Variants in HIF1A observed in about 807,000 individuals in gnomAD.
The protein encoded by HIF1A is hypoxia-inducible factor 1-alpha.
Under a neutral mutation model 92.7 loss-of-function variants are expected in HIF1A, and 24 were observed. The ratio of observed to expected loss-of-function variants is 0.26; its 90% CI spans 0.19 to 0.36. The LOEUF (loss-of-function observed/expected upper bound fraction) is 0.36. Ranked by LOEUF, HIF1A falls within the 10% of genes least tolerant of loss-of-function variation. The pLI is 1.00. For synonymous variants in HIF1A, 319 were observed against 338.7 expected, an observed-to-expected ratio of 0.94 and a Z score of 0.64; for missense variants, 799 against 998.5, an observed-to-expected ratio of 0.80 and a Z score of 2.69.
intron 8 of HIF1A, among the ~76,000 whole-genome samples, chr14:61,736,243 C>T (rs1479519565): frequency 6.6e-6 from 1 of 152,160 alleles, no homozygotes; most frequent in East Asian, 1.9e-4. Flanking sequence ...TCCCAAAGTC[C>T]TGGGATTACA....
rs752725953 is a variant in HIF1A, at chr14:61,726,655, A to G, written c.458-51A>G. 2 of 1,166,730 alleles carry G rather than the reference A, an allele frequency of 1.7e-6. 1 individual carries two copies. The highest frequency in any genetic ancestry group is 2.9e-5 in the South Asian group (2 of 69,520). The allele number at this position is 1,166,730 out of a possible 1,614,324, so 72.3% of individuals were successfully genotyped here. On this transcript the variant is annotated intron_variant, in intron 4 of 14. Coordinates refer to ENST00000337138, the MANE Select transcript of HIF1A (RefSeq NM_001530.4). ...TGGGCACTTTGTTACTTTTATTGTA[A>G]CAAATTTGTATATTTAGTTGCTTTA...
chr14:61,714,453 GT>G (rs2044341081), intron 1 of HIF1A, among the ~76,000 whole-genome samples: 1 of 152,058 alleles, frequency 6.6e-6, no homozygotes, highest in African/African-American at 2.4e-5. Flanking sequence ...TTTTCCATTT[GT>G]TTTCCTGTGG....
chr14:61,695,847 C>A lies in HIF1A; in HGVS notation c.35+8C>A, dbSNP rs781385199. The A allele has an allele frequency of 6.3e-7, 1 of 1,577,054 alleles. No homozygotes were observed. The highest frequency in any genetic ancestry group is 2.3e-5 in the East Asian group (1 of 43,270). On this transcript the variant is annotated splice_region_variant and intron_variant, in intron 1 of 14. Transcript: ENST00000337138. ...CGCGAACGACAAGAAAAAGTAAGCC[C>A]ATTCCCTCGGCCCGCCGCCTTCTCC...
At chr14:61,742,647 A>T (rs1050635375) in intron 12 of HIF1A, among the ~76,000 whole-genome samples, 3 of 152,050 alleles carry the variant, frequency 2.0e-5, no homozygotes, top group African/African-American at 7.2e-5. Flanking sequence ...GCACTTTGGG[A>T]GGCTGAAGCG....
chr14:61,710,443 T>A (rs1415672599), intron 1 of HIF1A, among the ~76,000 whole-genome samples: 4 of 152,246 alleles, frequency 2.6e-5, no homozygotes, highest in African/African-American at 9.6e-5. Context: ...AAATATTTTT[T>A]GAATACATCA....
At chr14:61,707,149 A>G (rs374825861) in intron 1 of HIF1A, among the ~76,000 whole-genome samples, 2 of 152,238 alleles carry the variant, frequency 1.3e-5, no homozygotes, top group East Asian at 3.8e-4. Flanking sequence ...CACGTTAAGT[A>G]TCTTCTTAGA....
intron 1 of HIF1A, among the ~76,000 whole-genome samples, chr14:61,707,250 C>T (rs924014391): frequency 1.3e-5 from 2 of 152,088 alleles, no homozygotes; most frequent in African/African-American, 2.4e-5. Context: ...CATTCTCAGG[C>T]GCCATTCAGA....
intron 1 of HIF1A, 97 bp downstream of exon 1, chr14:61,695,936 G>A: frequency 2.7e-6 from 3 of 1,099,486 alleles, no homozygotes; most frequent in Admixed American, 2.3e-5. Context: ...TAATGGGATT[G>A]GGGGGGGCAG....
intron 12 of HIF1A, among the ~76,000 whole-genome samples, chr14:61,743,999 TTAAG>T (rs2044745393): frequency 6.6e-6 from 1 of 152,204 alleles, no homozygotes; most frequent in South Asian, 2.1e-4. Flanking sequence ...TCTTGGGAAC[TTAAG>T]TAAGGTTAAA....
intron 6 of HIF1A, among the ~76,000 whole-genome samples, chr14:61,730,405 C>T (rs2044562074): frequency 2.6e-5 from 4 of 152,172 alleles, no homozygotes; most frequent in South Asian, 2.1e-4. Flanking sequence ...TAGATTAAAT[C>T]AGAGCTTCCT....
intron 1 of HIF1A, among the ~76,000 whole-genome samples, chr14:61,719,567 A>G (rs185200599): frequency 3.9e-5 from 6 of 152,356 alleles, no homozygotes; most frequent in Admixed American, 3.9e-4. Flanking sequence ...AGATGTCACT[A>G]GGCAGTTAAG....
intron 6 of HIF1A, among the ~76,000 whole-genome samples, chr14:61,729,912 C>T (rs2140145128): frequency 6.6e-6 from 1 of 152,258 alleles, no homozygotes; most frequent in South Asian, 2.1e-4. Flanking sequence ...TTTCCAGGAA[C>T]TTCTTGCATC....
Position 61,720,364 on chromosome 14 carries a change from C to G in HIF1A, c.36-18C>G. 1.3e-6 allele frequency: 2 copies of G among 1,574,674 alleles called. No homozygotes were observed. Among genetic ancestry groups the G allele is most frequent in the Non-Finnish European group, 1.7e-6 (2 of 1,161,462 alleles). Reference sequence around the variant, plus strand: ...TATACACTTTCCATCTCGTGTTTTTCTTGTTGTTGTTAAGTAGGATAAGTT... The same window carrying G: ...TATACACTTTCCATCTCGTGTTTTTGTTGTTGTTGTTAAGTAGGATAAGTT... On this transcript the variant is annotated intron_variant, in intron 1 of 14. Transcript: ENST00000337138.
At chr14:61,743,585 G>T (rs143829044) in intron 12 of HIF1A, among the ~76,000 whole-genome samples, 1 of 152,228 alleles carries the variant, frequency 6.6e-6, no homozygotes, top group African/African-American at 2.4e-5. Context: ...AGAAGTTTTA[G>T]AGAAATTTTT....
intron 1 of HIF1A, among the ~76,000 whole-genome samples, chr14:61,715,220 G>C (rs1265836817): frequency 6.6e-6 from 1 of 152,150 alleles, no homozygotes; most frequent in Non-Finnish European, 1.5e-5. Flanking sequence ...GGATTACCTT[G>C]CTTTGAAGAG....
chr14:61,727,608 C>T lies in HIF1A; in HGVS notation c.726C>T (p.Phe242=). 6.2e-7 allele frequency: 1 copy of T among 1,613,748 alleles called. No individual in the cohort carries two copies. Among genetic ancestry groups the T allele is most frequent in the Non-Finnish European group, 8.5e-7 (1 of 1,179,720 alleles). The change falls in exon 6 of 15, where the codon TTC becomes TTT. Residue 242 remains phenylalanine, a synonymous_variant. Coordinates refer to ENST00000337138, the MANE Select transcript of HIF1A (RefSeq NM_001530.4). ...AAATTCCTTTAGATAGCAAGACTTT[C>T]CTCAGTCGACACAGCCTGGATATGA... ...NIEIPLDSKT[F]LSRHSLDMKF...
rs534091616 is a variant in HIF1A at position 61,717,599 on chromosome 14, C to G, written c.36-2783C>G. 5.3e-5 allele frequency among the ~76,000 whole-genome samples: 8 copies of G among 152,246 alleles called. No individual in the cohort carries two copies. In the South Asian group the frequency reaches 1.5e-3, roughly 28 times the overall value. On this transcript the variant is annotated intron_variant, in intron 1 of 14. Transcript: ENST00000337138. ...ACTGTCCTTTAGATGCTTTATCTAA[C>G]CTCAAATTTCTAATGGATTTGTCTT...
chr14:61,717,427 C>T (rs1204055387), intron 1 of HIF1A, among the ~76,000 whole-genome samples: 1 of 152,130 alleles, frequency 6.6e-6, no homozygotes, highest in Non-Finnish European at 1.5e-5. Flanking sequence ...TGGTTTCTGT[C>T]TAGACTCATT....
At position 61,720,417 on chromosome 14, in the gene HIF1A, A is replaced by T; in HGVS notation, c.71A>T (p.Asp24Val). Residue 24 changes from aspartate to valine, a missense_variant, in exon 2 of 15, where the codon GAT (aspartate) becomes GTT (valine). By Grantham distance (152) the Asp-to-Val change is radical. Coordinates refer to ENST00000337138, the MANE Select transcript of HIF1A (RefSeq NM_001530.4). ...SSERRKEKSR[D>V]AARSRRSKES... ...GAACGTCGAAAAGAAAAGTCTCGAG[A>T]TGCAGCCAGATCTCGGCGAAGTAAA... 1 of 1,612,562 alleles carries T rather than the reference A, an allele frequency of 6.2e-7. No homozygotes were observed. The highest frequency in any genetic ancestry group is 1.1e-5 in the South Asian group (1 of 90,672).
Sources: gnomAD v4.1 joint callset for allele counts (sites outside exome capture counted in the v4.1 genomes callset) on GRCh38, gnomAD v4.1.1 for gene constraint, MANE v1.5 for transcripts, NCBI Gene and HGNC (gene_info 2026-07-23, HGNC 2026-07-21) for gene names.